The following ADAMTSL1 variants were observed in gnomAD, a reference collection of about 807,000 sequenced individuals.
ADAMTSL1 encodes the protein ADAMTS like 1.
Under a neutral mutation model 201.8 loss-of-function variants are expected in ADAMTSL1, and 126 were observed. That is an observed-to-expected ratio of 0.62 (90% CI 0.54 to 0.72). The LOEUF (loss-of-function observed/expected upper bound fraction) is 0.72, where lower values mean the gene tolerates loss of function less well. ADAMTSL1 is among the 30% of genes least tolerant of loss of function. ADAMTSL1 has a pLI of 0.00. For missense variants in ADAMTSL1, 2,679 were observed against 2,277.8 expected (o/e 1.18, Z -3.59); for synonymous variants, 1,121 against 903.4 (o/e 1.24, Z -4.32).
chr9:18,527,241 C>A (rs1317486895), intron 2 of ADAMTSL1, among the ~76,000 whole-genome samples: 1 of 152,230 alleles, frequency 6.6e-6, no homozygotes, highest in East Asian at 1.9e-4. Flanking sequence ...GTAACCCATT[C>A]TTGCTTAGCA....
chr9:18,782,160 A>T (rs1821430282), intron 19 of ADAMTSL1, among the ~76,000 whole-genome samples: 1 of 152,238 alleles, frequency 6.6e-6, no homozygotes, highest in Admixed American at 6.5e-5. Flanking sequence ...GAGGAAAAGA[A>T]GATTCATTTC....
chr9:17,918,628 T>C (rs1180916483), intron 1 of ADAMTSL1, among the ~76,000 whole-genome samples: 1 of 151,890 alleles, frequency 6.6e-6, no homozygotes, highest in African/African-American at 2.4e-5. Flanking sequence ...GCCTCTATTT[T>C]TTTTTCCCGA....
intron 5 of ADAMTSL1, among the ~76,000 whole-genome samples, chr9:18,624,335 G>A (rs1826226907): frequency 6.6e-6 from 1 of 152,188 alleles, no homozygotes; most frequent in Non-Finnish European, 1.5e-5. Context: ...TTAGAAGATG[G>A]AAACCAGAAA....
intron 2 of ADAMTSL1, among the ~76,000 whole-genome samples, chr9:18,249,973 C>G (rs1032365314): frequency 6.6e-6 from 1 of 152,160 alleles, no homozygotes; most frequent in Admixed American, 6.5e-5. Context: ...AAAATATATA[C>G]TTATTACAAA....
At chr9:18,082,629 G>T (rs918049321) in intron 1 of ADAMTSL1, among the ~76,000 whole-genome samples, 10 of 152,124 alleles carry the variant, frequency 6.6e-5, no homozygotes, top group Non-Finnish European at 1.5e-4. Flanking sequence ...TGGCTCCAGC[G>T]CTGTCCATGA....
At chr9:18,263,714 G>A (rs1376350522) in intron 2 of ADAMTSL1, among the ~76,000 whole-genome samples, 1 of 152,180 alleles carries the variant, frequency 6.6e-6, no homozygotes, top group Non-Finnish European at 1.5e-5. Flanking sequence ...TTAGTCATAA[G>A]GGTGGGGTCC....
intron 1 of ADAMTSL1, among the ~76,000 whole-genome samples, chr9:17,996,108 T>G (rs1018466510): frequency 6.6e-6 from 1 of 152,114 alleles, no homozygotes; most frequent in South Asian, 2.1e-4. Flanking sequence ...GATAAACTTG[T>G]CTCATCTATA....
intron 2 of ADAMTSL1, among the ~76,000 whole-genome samples, chr9:18,418,082 A>C (rs912173325): frequency 6.6e-6 from 1 of 152,230 alleles, no homozygotes; most frequent in Admixed American, 6.5e-5. Flanking sequence ...ACCACTTGAT[A>C]GTGTAAAGAA....
intron 1 of ADAMTSL1, among the ~76,000 whole-genome samples, chr9:18,492,625 A>T (rs1484219375): frequency 6.6e-6 from 1 of 152,204 alleles, no homozygotes; most frequent in African/African-American, 2.4e-5. Flanking sequence ...TAGCACTTAT[A>T]TTTAAAAAAA....
intron 13 of ADAMTSL1, among the ~76,000 whole-genome samples, chr9:18,706,484 A>C (rs1474483210): frequency 6.6e-6 from 1 of 152,166 alleles, no homozygotes; most frequent in East Asian, 1.9e-4. Context: ...TGTGGGTGCA[A>C]AGTAGGGAGC....
rs551527541 is a variant in ADAMTSL1, at chr9:17,995,973, C to T, written c.87+89051C>T. On this transcript the variant is annotated intron_variant, in intron 1 of 29. Coordinates refer to the ADAMTSL1 transcript ENST00000680146. ...ATACAGCTGTTGTGATGAGGACTAA[C>T]GTAATCTAAGCTCCTTAGAATCGTG... Among the ~76,000 whole-genome samples, 12 of 152,056 alleles carry T rather than the reference C, an allele frequency of 7.9e-5. No homozygotes were observed. In the East Asian group the frequency reaches 1.2e-3, roughly 15 times the overall value.
intron 20 of ADAMTSL1, chr9:18,796,910 C>T (rs558887269): frequency 6.6e-6 from 1 of 152,206 alleles, no homozygotes; most frequent in Non-Finnish European, 1.5e-5. Flanking sequence ...CAGATAGTGG[C>T]TCTTGCAGGA....
intron 2 of ADAMTSL1, among the ~76,000 whole-genome samples, chr9:18,434,477 A>T (rs184950725): frequency 1.3e-5 from 2 of 152,320 alleles, no homozygotes; most frequent in African/African-American, 4.8e-5. Context: ...CATGGAGCCA[A>T]CTTTCTATTA....
intron 14 of ADAMTSL1, among the ~76,000 whole-genome samples, chr9:18,714,378 A>C (rs1488876541): frequency 2.0e-5 from 3 of 152,194 alleles, no homozygotes; most frequent in Non-Finnish European, 4.4e-5. Context: ...AAAAAAGAAG[A>C]ATCAAATAGA....
At chr9:18,554,519 C>A (rs1480508527) in intron 3 of ADAMTSL1, among the ~76,000 whole-genome samples, 1 of 151,692 alleles carries the variant, frequency 6.6e-6, no homozygotes, top group Admixed American at 6.6e-5. Flanking sequence ...CTTTACATTC[C>A]CAAATGTCCG....
At chr9:18,032,935 C>A (rs749647324) in intron 1 of ADAMTSL1, among the ~76,000 whole-genome samples, 1 of 152,118 alleles carries the variant, frequency 6.6e-6, no homozygotes, top group Non-Finnish European at 1.5e-5. Flanking sequence ...GTGTCTGCAT[C>A]ACCTCTCTAT....
chr9:18,080,806 G>A (rs1201196180), intron 1 of ADAMTSL1, among the ~76,000 whole-genome samples: 3 of 152,226 alleles, frequency 2.0e-5, no homozygotes, highest in African/African-American at 7.2e-5. Flanking sequence ...CTACTTAATA[G>A]TCATTCTGTC....
intron 1 of ADAMTSL1, among the ~76,000 whole-genome samples, chr9:18,037,299 G>A (rs1322803559): frequency 1.3e-5 from 2 of 152,212 alleles, no homozygotes; most frequent in East Asian, 1.9e-4. Flanking sequence ...AGGCCTGTCA[G>A]TTTTCACAGA....
intron 2 of ADAMTSL1, among the ~76,000 whole-genome samples, chr9:18,526,593 T>C (rs986785466): frequency 2.6e-5 from 4 of 152,234 alleles, no homozygotes; most frequent in African/African-American, 9.6e-5. Context: ...TTCCTTTCCA[T>C]GTTTAGTGCT....
Sources: gnomAD v4.1 joint callset for allele counts (sites outside exome capture counted in the v4.1 genomes callset) on GRCh38, gnomAD v4.1.1 for gene constraint, MANE v1.5 for transcripts, NCBI Gene and HGNC (gene_info 2026-07-23, HGNC 2026-07-21) for gene names.